BRD7: variants seen among roughly 807,000 people sequenced by gnomAD.
BRD7 encodes the protein bromodomain-containing protein 7.
In BRD7, 15 loss-of-function variants were observed where a neutral mutation model predicts 82.1. The ratio of observed to expected loss-of-function variants is 0.18; its 90% confidence interval spans 0.12 to 0.28. BRD7 has a LOEUF of 0.28. BRD7 is among the 10% of genes least tolerant of loss of function. The probability of loss-of-function intolerance (pLI) is 1.00; values close to 1 mark genes in which losing one functional copy is unlikely to be tolerated. For synonymous variants in BRD7, 232 were observed against 266.9 expected (o/e 0.87, Z 1.27); for missense variants, 638 against 779.9 (o/e 0.82, Z 2.17).
intron 2 of BRD7, among the ~76,000 whole-genome samples, chr16:50,364,990 G>A (rs1007177684): frequency 6.6e-6 from 1 of 152,204 alleles, no homozygotes; most frequent in Non-Finnish European, 1.5e-5. Flanking sequence ...GATAAGCCAC[G>A]TCAACACACT....
At chr16:50,330,691 T>C (rs1376126830) in intron 8 of BRD7, among the ~76,000 whole-genome samples, 1 of 152,114 alleles carries the variant, frequency 6.6e-6, no homozygotes, top group Admixed American at 6.5e-5. Context: ...TCTAATCAAC[T>C]GACCAAAGAA....
At chr16:50,322,888 G>A (rs571050830) in intron 12 of BRD7, among the ~76,000 whole-genome samples, 15 of 152,284 alleles carry the variant, frequency 9.9e-5, no homozygotes, top group Non-Finnish European at 1.8e-4. Flanking sequence ...GGGCCTGACC[G>A]AGGCACTAAC....
chr16:50,322,057 A>C lies in BRD7; in HGVS notation c.1444-19T>G. The stretch of plus-strand genomic sequence containing the variant: ...GCAATGACTATAAGGATGAAGAAAA[A>C]CAGCTTTTTAGGAAAACACATGAAG... On this transcript the variant is annotated intron_variant, in intron 12 of 16. Transcript: ENST00000394688. 6.3e-7 allele frequency: 1 copy of C among 1,583,068 alleles called. No homozygotes were observed. Among genetic ancestry groups the C allele is most frequent in the Non-Finnish European group, 8.5e-7 (1 of 1,171,252 alleles).
chr16:50,331,935 T>C (rs919845468), intron 8 of BRD7, among the ~76,000 whole-genome samples: 1 of 152,212 alleles, frequency 6.6e-6, no homozygotes, highest in Non-Finnish European at 1.5e-5. Context: ...TGGCTAACCA[T>C]GTGCAGAAGA....
intron 2 of BRD7, among the ~76,000 whole-genome samples, chr16:50,360,607 T>C (rs917871898): frequency 6.6e-6 from 1 of 152,194 alleles, no homozygotes; most frequent in Admixed American, 6.5e-5. Flanking sequence ...CCCTTAGGAT[T>C]TACCAGGTCG....
At chr16:50,362,714 C>G (rs1398898674) in intron 2 of BRD7, among the ~76,000 whole-genome samples, 2 of 152,154 alleles carry the variant, frequency 1.3e-5, no homozygotes, top group Non-Finnish European at 2.9e-5. Context: ...AATACTGTAT[C>G]ATTCCACTTA....
chr16:50,368,283 G>C lies in BRD7; in HGVS notation c.65C>G (p.Pro22Arg). ...KHLYEEYVEKPLKLVLKVGGN... is the reference protein window; with the variant it reads ...KHLYEEYVEKRLKLVLKVGGN... ...TCCTACTTTGAGGACCAGCTTCAAG[G>C]GCTTCTCTACATACTCTTAAAAAAA... The change falls in exon 2 of 17, where the codon CCC becomes CGC. Residue 22 changes from proline (P) to arginine (R), a missense_variant. Pro to Arg is a moderately radical substitution (Grantham distance 103, BLOSUM62 -2). This residue lies in a region of BRD7 where 172 missense variants were observed against 155.3 expected (regional missense o/e 1.11). Transcript: ENST00000394688. 1 of 1,614,028 alleles carries C rather than the reference G, an allele frequency of 6.2e-7. No homozygotes were observed. The highest frequency in any genetic ancestry group is 1.7e-4 in the Middle Eastern group (1 of 6,058).
intron 6 of BRD7, among the ~76,000 whole-genome samples, chr16:50,336,446 G>C (rs1292516343): frequency 6.6e-6 from 1 of 152,092 alleles, no homozygotes. Flanking sequence ...AAAATCAATA[G>C]TATCACTTAA....
intron 2 of BRD7, among the ~76,000 whole-genome samples, chr16:50,362,765 G>T (rs944735417): frequency 1.3e-5 from 2 of 152,146 alleles, no homozygotes; most frequent in African/African-American, 4.8e-5. Flanking sequence ...GTGGAATGGT[G>T]GTTGCCAAGG....
rs552916437 is a variant in BRD7 at position 50,320,508 on chromosome 16, T to C, written c.1613-117A>G. 3.8e-5 allele frequency: 57 copies of C among 1,481,834 alleles called. 1 individual carries two copies. Among genetic ancestry groups the C allele is most frequent in the Non-Finnish European group, 5.1e-5 (55 of 1,080,024 alleles). 91.8% of individuals were successfully genotyped at this position (1,481,834 alleles called of 1,614,324 possible). A position where few individuals can be genotyped will look rare whatever the true frequency, so the allele number is the denominator to read the frequency against. ...TTCTCCCTTCAAAAGAGTAATCCGC[T>C]TGAAATGACATCAACACGCCATACC... On this transcript the variant is annotated intron_variant, in intron 14 of 16. Transcript: ENST00000394688.
At chr16:50,323,478 C>T (rs991349207) in intron 12 of BRD7, 109 bp downstream of exon 12, 2 of 934,274 alleles carry the variant, frequency 2.1e-6, no homozygotes, top group East Asian at 2.5e-5. Context: ...CTTTCAGGGC[C>T]ACAGAGTTCA....
intron 2 of BRD7, among the ~76,000 whole-genome samples, chr16:50,355,418 T>C (rs2038693357): frequency 6.6e-6 from 1 of 152,128 alleles, no homozygotes. Flanking sequence ...AAGAACACAA[T>C]AGTTTTGAAA....
chr16:50,337,449 G>A (rs974370376), intron 6 of BRD7, among the ~76,000 whole-genome samples: 1 of 151,568 alleles, frequency 6.6e-6, no homozygotes, highest in Non-Finnish European at 1.5e-5. Flanking sequence ...TAGTAGAGAC[G>A]GAGTTTTTCC....
intron 8 of BRD7, 46 bp downstream of exon 8, chr16:50,333,528 G>A: frequency 1.3e-6 from 2 of 1,586,214 alleles, no homozygotes; most frequent in Non-Finnish European, 1.7e-6. Flanking sequence ...AGTTTCAGAT[G>A]CCCCAAATCA....
intron 5 of BRD7, among the ~76,000 whole-genome samples, chr16:50,340,427 T>C (rs2037998514): frequency 6.6e-6 from 1 of 152,202 alleles, no homozygotes; most frequent in Admixed American, 6.5e-5. Flanking sequence ...CTATTTCATA[T>C]GTAATGATTT....
At chr16:50,366,519 T>A (rs1048715272) in intron 2 of BRD7, among the ~76,000 whole-genome samples, 3 of 152,260 alleles carry the variant, frequency 2.0e-5, no homozygotes, top group Non-Finnish European at 4.4e-5. Context: ...ATTTGCATAC[T>A]ATACTTGTCT....
chr16:50,323,064 T>C (rs750675519), intron 12 of BRD7, among the ~76,000 whole-genome samples: 2 of 152,228 alleles, frequency 1.3e-5, no homozygotes, highest in African/African-American at 4.8e-5. Context: ...TCTGTATCAG[T>C]AGGAACATTT....
At chr16:50,341,031 T>C (rs982808780) in intron 5 of BRD7, among the ~76,000 whole-genome samples, 4 of 152,148 alleles carry the variant, frequency 2.6e-5, no homozygotes, top group Admixed American at 6.5e-5. Context: ...TATGTACAAG[T>C]ACGTAAGACT....
At chr16:50,319,742 TTAGGGACTTGAGCATC>T in intron 16 of BRD7, 129 bp downstream of exon 16, 1 of 992,288 alleles carries the variant, frequency 1.0e-6, no homozygotes, top group Non-Finnish European at 1.5e-6. Flanking sequence ...ACCTTTTATG[TTAGGGACTTGAGCATC>T]TACAGATTTT....
Sources: allele counts gnomAD v4.1 joint callset (sites outside exome capture counted in the v4.1 genomes callset), GRCh38; gene constraint gnomAD v4.1.1; regional missense constraint gnomAD v4.1.1; transcripts MANE v1.5; gene names NCBI Gene and HGNC (gene_info 2026-07-23, HGNC 2026-07-21).